Variants in FNIP2 observed in about 807,000 individuals in gnomAD.
The protein encoded by FNIP2 is folliculin interacting protein 2, also known as folliculin-interacting protein 2.
A neutral mutation model predicts 108.7 loss-of-function variants in FNIP2; 32 were observed. That is an observed-to-expected ratio of 0.29 (90% CI 0.22 to 0.40). The LOEUF is 0.40. Ranked by LOEUF, FNIP2 falls within the 10% of genes least tolerant of loss-of-function variation. FNIP2 has a pLI of 1.00. For missense variants in FNIP2, 1,202 were observed against 1,381.6 expected (o/e 0.87, Z 2.06); for synonymous variants, 480 against 496.7 (o/e 0.97, Z 0.45).
intron 1 of FNIP2, among the ~76,000 whole-genome samples, chr4:158,823,256 G>T (rs781653523): frequency 3.3e-5 from 5 of 151,946 alleles, no homozygotes; most frequent in Admixed American, 6.5e-5. Context: ...CCTTTTTAAT[G>T]ACCTCATTTT....
intron 14 of FNIP2, 25 bp from the exon 15 acceptor site, chr4:158,891,421 C>T: frequency 6.4e-7 from 1 of 1,566,656 alleles, no homozygotes; most frequent in Non-Finnish European, 8.7e-7. Flanking sequence ...ATAAATAAAC[C>T]CATCCCTTTG....
At chr4:158,869,812 G>A (rs1309297648) in intron 13 of FNIP2, among the ~76,000 whole-genome samples, 5 of 152,242 alleles carry the variant, frequency 3.3e-5, no homozygotes, top group East Asian at 1.9e-4. Flanking sequence ...GATTACACTC[G>A]CCGTGTGGCC....
intron 7 of FNIP2, among the ~76,000 whole-genome samples, chr4:158,848,865 G>C (rs1779547491): frequency 6.6e-6 from 1 of 152,160 alleles, no homozygotes; most frequent in South Asian, 2.1e-4. Context: ...TATGGCATGG[G>C]AGCCTTCAGA....
At chr4:158,884,366 T>C (rs1173422715) in intron 14 of FNIP2, among the ~76,000 whole-genome samples, 1 of 152,206 alleles carries the variant, frequency 6.6e-6, no homozygotes, top group Non-Finnish European at 1.5e-5. Flanking sequence ...TTGAGTTACT[T>C]ATAAAATCAC....
chr4:158,888,228 G>A (rs181276790), intron 14 of FNIP2, among the ~76,000 whole-genome samples: 257 of 152,314 alleles, frequency 1.7e-3, no homozygotes, highest in African/African-American at 5.8e-3. Context: ...TTGATTCAGG[G>A]AATTGTGTGT....
chr4:158,860,162 G>A (rs1336190073), intron 10 of FNIP2, among the ~76,000 whole-genome samples: 1 of 152,178 alleles, frequency 6.6e-6, no homozygotes, highest in Admixed American at 6.5e-5. Context: ...TGTGTGGAAA[G>A]GTAAATTGTG....
rs772083062 is a variant in FNIP2 at position 158,869,110 on chromosome 4, G to A, written c.2474G>A (p.Gly825Asp). The change falls in exon 13 of 17, where the codon GGT (glycine) becomes GAT (aspartate). Residue 825 changes from glycine to aspartate, a missense_variant. Gly to Asp is a moderately conservative substitution (Grantham distance 94). This residue lies in a region of FNIP2 where 878 missense variants were observed against 990.3 expected (regional missense o/e 0.89). Coordinates refer to ENST00000264433, the MANE Select transcript of FNIP2 (RefSeq NM_020840.3). ...HAADLGTASH[G>D]AGGTGGRRLE... ...GCTGACTTGGGCACAGCCTCCCACG[G>A]TGCAGGAGGAACGGGAGGGAGGAGG... 1.2e-6 allele frequency: 2 copies of A among 1,614,000 alleles called. No individual in the cohort carries two copies. Among genetic ancestry groups the A allele is most frequent in the Admixed American group, 3.3e-5 (2 of 60,032 alleles).
intron 1 of FNIP2, among the ~76,000 whole-genome samples, chr4:158,807,414 G>A (rs1054184759): frequency 2.0e-5 from 3 of 152,094 alleles, no homozygotes; most frequent in Non-Finnish European, 4.4e-5. Flanking sequence ...GAGGTGGGAG[G>A]ATCGCTTGAG....
intron 14 of FNIP2, among the ~76,000 whole-genome samples, chr4:158,877,276 A>G (rs1329165057): frequency 1.3e-5 from 2 of 152,206 alleles, no homozygotes; most frequent in South Asian, 4.1e-4. Context: ...ACAGATACAC[A>G]GAAGATCAGA....
chr4:158,906,954 T>G lies in FNIP2; in HGVS notation c.*2410T>G, dbSNP rs1729896951. The G allele has an allele frequency of 6.6e-6, 1 of 152,208 alleles. No individual in the cohort carries two copies. Among genetic ancestry groups the G allele is most frequent in the African/African-American group, 2.4e-5 (1 of 41,450 alleles). 9.4% of individuals were successfully genotyped at this position (152,208 alleles called of 1,614,324 possible). On this transcript the variant is annotated 3_prime_UTR_variant, in exon 17 of 17. Coordinates refer to ENST00000264433, the MANE Select transcript of FNIP2 (RefSeq NM_020840.3). ...CCTCAAGAAAAAACATAAAACAATTTTTTTTAAAAAAGAAAAGAAATCTAC... is the reference window on the plus strand; with the variant it reads ...CCTCAAGAAAAAACATAAAACAATTGTTTTTAAAAAAGAAAAGAAATCTAC...
At chr4:158,881,461 TC>T in intron 14 of FNIP2, among the ~76,000 whole-genome samples, 1 of 149,948 alleles carries the variant, frequency 6.7e-6, no homozygotes, top group East Asian at 2.0e-4. Context: ...TTCCACGGTC[TC>T]CCTCTCCCTC....
intron 14 of FNIP2, chr4:158,871,313 A>G: frequency 2.2e-6 from 2 of 897,766 alleles, no homozygotes; most frequent in Middle Eastern, 5.7e-4. Context: ...ATTTTGTATT[A>G]GAAACATTTT....
chr4:158,826,059 TG>T lies in FNIP2; in HGVS notation c.234+18del, dbSNP rs1171923479. On this transcript the variant is annotated intron_variant, in intron 2 of 16. Coordinates refer to ENST00000264433, the MANE Select transcript of FNIP2 (RefSeq NM_020840.3). ...ACAGCTCAGGTATGAAATGCTGATT[TG>T]CTTTCTCCTTTTCTTTTGTGCTTTT... is the stretch of plus-strand genomic sequence containing the variant. 6.2e-7 allele frequency: 1 copy of T among 1,600,654 alleles called. No homozygotes were observed. The highest frequency in any genetic ancestry group is 2.2e-5 in the East Asian group (1 of 44,452).
chr4:158,819,484 A>G (rs1191003880), intron 1 of FNIP2, among the ~76,000 whole-genome samples: 2 of 152,258 alleles, frequency 1.3e-5, no homozygotes, highest in Non-Finnish European at 2.9e-5. Context: ...TCCTGACCAC[A>G]GGATAGCAAC....
chr4:158,890,222 A>G (rs1183568930), intron 14 of FNIP2: 1 of 985,316 alleles, frequency 1.0e-6, no homozygotes. Flanking sequence ...GTTCCTTTCA[A>G]TGGGAAAAAT....
chr4:158,842,922 A>G (rs922919995), intron 7 of FNIP2, among the ~76,000 whole-genome samples: 5 of 152,128 alleles, frequency 3.3e-5, no homozygotes, highest in Non-Finnish European at 5.9e-5. Context: ...TGATTTTCCT[A>G]TTAACATTTT....
chr4:158,886,874 C>T (rs933785453), intron 14 of FNIP2, among the ~76,000 whole-genome samples: 1 of 152,128 alleles, frequency 6.6e-6, no homozygotes, highest in African/African-American at 2.4e-5. Flanking sequence ...AACTATACAA[C>T]GTAGGCTTTT....
chr4:158,805,464 C>G (rs921353326), intron 1 of FNIP2, among the ~76,000 whole-genome samples: 1 of 152,174 alleles, frequency 6.6e-6, no homozygotes, highest in East Asian at 1.9e-4. Context: ...GTTGGGCTTT[C>G]TCATTTGAAT....
chr4:158,861,407 C>T lies in FNIP2; in HGVS notation c.1214C>T (p.Ser405Phe). 3 of 1,613,992 alleles carry T rather than the reference C, an allele frequency of 1.9e-6. No individual in the cohort carries two copies. Among genetic ancestry groups the T allele is most frequent in the Non-Finnish European group, 2.5e-6 (3 of 1,179,896 alleles). ...IAEPVWLTMM[S>F]GTLEKNQLCQ... Reference sequence around the variant, plus strand: ...GAACCTGTATGGCTTACTATGATGTCCGGCACTTTGGAAAAAAACCAGCTC... The same window carrying T: ...GAACCTGTATGGCTTACTATGATGTTCGGCACTTTGGAAAAAAACCAGCTC... The change falls in exon 11 of 17, where the codon TCC becomes TTC. Residue 405 changes from serine to phenylalanine, a missense_variant. Transcript: ENST00000264433.
Sources: allele counts gnomAD v4.1 joint callset (sites outside exome capture counted in the v4.1 genomes callset), GRCh38; gene constraint gnomAD v4.1.1; regional missense constraint gnomAD v4.1.1; transcripts MANE v1.5; gene names NCBI Gene and HGNC (gene_info 2026-07-23, HGNC 2026-07-21).